Variants in PECR observed in about 807,000 individuals in gnomAD.
The protein encoded by PECR is peroxisomal trans-2-enoyl-CoA reductase.
Under a neutral mutation model 35.3 loss-of-function variants are expected in PECR, and 30 were observed. The observed-to-expected ratio is 0.85, with a 90% CI of 0.64 to 1.15. The LOEUF is 1.15. PECR is among the 50% of genes most tolerant of loss of function. The pLI, the probability that PECR is intolerant of heterozygous loss-of-function variation, is 0.00. For synonymous variants in PECR, 148 were observed against 138.9 expected, an observed-to-expected ratio of 1.07 and a Z score of -0.46; for missense variants, 392 against 370.8, an observed-to-expected ratio of 1.06 and a Z score of -0.47.
At chr2:216,060,252 T>G (rs991137489) in intron 3 of PECR, among the ~76,000 whole-genome samples, 1 of 152,200 alleles carries the variant, frequency 6.6e-6, no homozygotes, top group Non-Finnish European at 1.5e-5. Flanking sequence ...ACCTTCCGCT[T>G]CTGGATAAAT....
At position 216,048,062 on chromosome 2, in the gene PECR, C is replaced by CTT. The variant is rs199971278; in HGVS notation, c.714+1199_714+1200dup. ...ATTATTGTGGGAAAGACATCCTTTTCTTTTCTTTATTTTATTTTATTTTAT... is the reference window on the plus strand; with the variant it reads ...ATTATTGTGGGAAAGACATCCTTTTCTTTTTTCTTTATTTTATTTTATTTTAT... On this transcript the variant is annotated intron_variant, in intron 6 of 7. Transcript: ENST00000265322. Among the ~76,000 whole-genome samples, 849 of 148,006 alleles carry CTT rather than the reference C, an allele frequency of 5.7e-3. 12 individuals are homozygous for CTT. The highest frequency in any genetic ancestry group is 0.02 in the African/African-American group (805 of 40,196).
intron 1 of PECR, among the ~76,000 whole-genome samples, chr2:216,068,791 C>T (rs956231859): frequency 6.9e-5 from 10 of 145,326 alleles, no homozygotes; most frequent in Non-Finnish European, 1.3e-4. Flanking sequence ...ACATACACCA[C>T]CATATCTGGC....
At chr2:216,047,465 A>G (rs1036411136) in intron 6 of PECR, among the ~76,000 whole-genome samples, 4 of 152,186 alleles carry the variant, frequency 2.6e-5, no homozygotes, top group African/African-American at 9.7e-5. Flanking sequence ...AGTCTAATTT[A>G]TTACTAAACG....
Position 216,051,562 on chromosome 2 carries a change from A to G in PECR, c.507-17T>C. ...CCAGAATGCCTTTGAAAGACAAAAC[A>G]TAAACATGACAATCAGCTTCTGTTG... On this transcript the variant is annotated splice_polypyrimidine_tract_variant and intron_variant, in intron 4 of 7. Coordinates refer to ENST00000265322, the MANE Select transcript of PECR (RefSeq NM_018441.6). 1 of 1,453,514 alleles carries G rather than the reference A, an allele frequency of 6.9e-7. No homozygotes were observed. The highest frequency in any genetic ancestry group is 9.7e-7 in the Non-Finnish European group (1 of 1,033,166). The allele number at this position is 1,453,514 out of a possible 1,614,324, so 90.0% of individuals were successfully genotyped here. A position where few individuals can be genotyped will look rare whatever the true frequency, so the allele number is the denominator to read the frequency against.
chr2:216,030,806 G>GC (rs1694669433), intron 7 of PECR, among the ~76,000 whole-genome samples: 1 of 149,686 alleles, frequency 6.7e-6, no homozygotes, highest in Admixed American at 6.7e-5. Flanking sequence ...CAGGTGATCT[G>GC]CCTGCCTTGG....
intron 3 of PECR, 150 bp downstream of exon 3, chr2:216,065,157 TTACTA>T (rs1294876720): frequency 1.4e-6 from 1 of 702,800 alleles, no homozygotes; most frequent in Non-Finnish European, 2.6e-6. Context: ...TATTGCCAAA[TTACTA>T]TACTGAAATG....
At position 216,066,376 on chromosome 2, in the gene PECR, C is replaced by A; in HGVS notation, c.258+9G>T. ...GAATGAATAAATGATACAGATATAT[C>A]TCCATTACCTCCTCCTCATTCCGGA... On this transcript the variant is annotated intron_variant, in intron 2 of 7. Transcript: ENST00000265322. The A allele has an allele frequency of 6.2e-7, 1 of 1,608,734 alleles. No homozygotes were observed. The highest frequency in any genetic ancestry group is 8.5e-7 in the Non-Finnish European group (1 of 1,175,030).
At chr2:216,061,779 A>C (rs941259727) in intron 3 of PECR, among the ~76,000 whole-genome samples, 5 of 152,192 alleles carry the variant, frequency 3.3e-5, no homozygotes, top group African/African-American at 1.2e-4. Context: ...CTGGGAAAAC[A>C]ATTAGGGAAA....
At chr2:216,043,083 A>G (rs528181343) in intron 7 of PECR, among the ~76,000 whole-genome samples, 1,638 of 146,608 alleles carry the variant, frequency 0.011, 79 homozygotes, top group South Asian at 0.021. Context: ...ATATATATAC[A>G]CATACATATA....
chr2:216,081,251 T>C (rs1695840284), intron 1 of PECR, among the ~76,000 whole-genome samples: 1 of 152,218 alleles, frequency 6.6e-6, no homozygotes, highest in Non-Finnish European at 1.5e-5. Context: ...TTCACAACTT[T>C]TTCCAGTTAA....
downstream of PECR, chr2:216,038,284 T>C (rs1219407633): frequency 6.6e-6 from 1 of 152,156 alleles, no homozygotes; most frequent in Admixed American, 6.5e-5. Context: ...CCTAATACAT[T>C]TGCATGCAAC....
chr2:216,031,425 AAAG>A (rs1386850269), intron 7 of PECR, among the ~76,000 whole-genome samples: 4 of 60,258 alleles, frequency 6.6e-5, no homozygotes, highest in African/African-American at 1.1e-4. Context: ...AGGAAGAAAG[AAAG>A]AAAAGAAAGA....
At chr2:216,066,290 AGC>A in intron 2 of PECR, 93 bp downstream of exon 2, 1 of 1,028,364 alleles carries the variant, frequency 9.7e-7, no homozygotes, top group Non-Finnish European at 1.5e-6. Flanking sequence ...CATCTAAGAC[AGC>A]TACAATAGGA....
chr2:216,055,648 G>T (rs1254727676), intron 4 of PECR, among the ~76,000 whole-genome samples: 3 of 151,910 alleles, frequency 2.0e-5, no homozygotes, highest in African/African-American at 7.3e-5. Context: ...AGAGTAAAAA[G>T]ATCCTCCAAA....
rs980941576 is a variant in PECR at position 216,038,984 on chromosome 2, T to C, written c.*291A>G. 1.3e-5 allele frequency: 4 copies of C among 305,448 alleles called. No individual in the cohort carries two copies. The highest frequency in any genetic ancestry group is 3.1e-5 in the South Asian group (1 of 32,028). The allele number at this position is 305,448 out of a possible 1,614,324, so 18.9% of individuals were successfully genotyped here. On this transcript the variant is annotated 3_prime_UTR_variant, in exon 8 of 8. Coordinates refer to ENST00000265322, the MANE Select transcript of PECR (RefSeq NM_018441.6). ...GAGTTCATGATCCCTAGAATTATCA[T>C]TGATTTAAAATTATTCCATTTTTCA...
At chr2:216,047,484 C>T (rs1048277492) in intron 6 of PECR, among the ~76,000 whole-genome samples, 4 of 152,060 alleles carry the variant, frequency 2.6e-5, no homozygotes, top group African/African-American at 9.7e-5. Context: ...CGGCCAAATG[C>T]CCCCAACACT....
downstream of PECR, among the ~76,000 whole-genome samples, chr2:216,034,615 A>G (rs992697591): frequency 3.9e-5 from 6 of 152,144 alleles, no homozygotes; most frequent in African/African-American, 1.4e-4. Context: ...GGAGATGGAA[A>G]ATCTTTCTAA....
intron 3 of PECR, among the ~76,000 whole-genome samples, chr2:216,059,201 A>G (rs1368125098): frequency 6.6e-6 from 1 of 152,200 alleles, no homozygotes; most frequent in East Asian, 1.9e-4. Flanking sequence ...CCATTACCAC[A>G]ATCCAGCTTG....
chr2:216,039,434 G>T, intron 7 of PECR, 74 bp from the exon 8 acceptor site: 1 of 846,156 alleles, frequency 1.2e-6, no homozygotes, highest in Non-Finnish European at 2.1e-6. Flanking sequence ...AAATCCTCTT[G>T]TTAATTTCCC....
Sources: gnomAD v4.1 joint callset for allele counts (sites outside exome capture counted in the v4.1 genomes callset) on GRCh38, gnomAD v4.1.1 for gene constraint, MANE v1.5 for transcripts, NCBI Gene and HGNC (gene_info 2026-07-23, HGNC 2026-07-21) for gene names.